Variants in FANCC observed in about 807,000 individuals in gnomAD.
FANCC encodes the protein FA complementation group C.
FANCC carries 55 observed loss-of-function variants against 71.3 expected under a neutral mutation model. The ratio of observed to expected loss-of-function variants is 0.77; its 90% confidence interval spans 0.62 to 0.97. The LOEUF is 0.97. FANCC is among the 50% of genes least tolerant of loss of function. FANCC has a pLI of 0.00. For synonymous variants in FANCC, 275 were observed against 244.9 expected (o/e 1.12, Z -1.15); for missense variants, 678 against 670.9 (o/e 1.01, Z -0.12).
At chr9:95,247,321 G>T (rs1831047530) in intron 3 of FANCC, 111 bp downstream of exon 3, 6 of 783,290 alleles carry the variant, frequency 7.7e-6, no homozygotes, top group Non-Finnish European at 1.3e-5. Context: ...CATTTGATAA[G>T]TTGTTCCATT....
intron 1 of FANCC, among the ~76,000 whole-genome samples, chr9:95,301,466 C>T (rs962691865): frequency 2.6e-5 from 4 of 151,704 alleles, no homozygotes; most frequent in East Asian, 1.9e-4. Context: ...CTTGTTCTGT[C>T]GCCCAGGCTG....
intron 6 of FANCC, among the ~76,000 whole-genome samples, chr9:95,170,569 T>C (rs1183116341): frequency 1.3e-5 from 2 of 152,106 alleles, no homozygotes; most frequent in Non-Finnish European, 2.9e-5. Context: ...TTGTTTAGTC[T>C]AGATTTTGGA....
rs756643939 is a variant in FANCC at position 95,102,371 on chromosome 9, C to T, written c.1534-521G>A. ...CTAAGGTTTTAACACCTGATTCTTG[C>T]GGGAGAGCAGGAGACACAGCCTCAA... On this transcript the variant is annotated intron_variant, in intron 14 of 14. Coordinates refer to ENST00000289081, the MANE Select transcript of FANCC (RefSeq NM_000136.3). 2.0e-5 allele frequency among the ~76,000 whole-genome samples: 3 copies of T among 152,288 alleles called. 1 individual carries two copies. Among genetic ancestry groups the T allele is most frequent in the Non-Finnish European group, 4.4e-5 (3 of 68,032 alleles).
intron 1 of FANCC, among the ~76,000 whole-genome samples, chr9:95,313,754 T>A (rs1776293521): frequency 6.6e-6 from 1 of 152,200 alleles, no homozygotes; most frequent in South Asian, 2.1e-4. Flanking sequence ...TAAAAAGGAT[T>A]ATATAACATG....
intron 4 of FANCC, among the ~76,000 whole-genome samples, chr9:95,240,416 A>G (rs1830568847): frequency 6.6e-6 from 1 of 152,224 alleles, no homozygotes; most frequent in African/African-American, 2.4e-5. Flanking sequence ...ACCACTCAAC[A>G]TTAGGTCTTC....
chr9:95,289,640 A>G (rs540925721), intron 1 of FANCC, among the ~76,000 whole-genome samples: 10 of 152,270 alleles, frequency 6.6e-5, no homozygotes, highest in South Asian at 4.1e-4. Flanking sequence ...GTTTTTAACC[A>G]TAACTGTATG....
intron 4 of FANCC, among the ~76,000 whole-genome samples, chr9:95,232,234 T>C (rs933342653): frequency 2.6e-5 from 4 of 152,142 alleles, no homozygotes; most frequent in Non-Finnish European, 5.9e-5. Context: ...GCTAAACCAT[T>C]TGTGAGAAAC....
At chr9:95,101,915 G>A in intron 14 of FANCC, 65 bp from the exon 15 acceptor site, 2 of 1,594,596 alleles carry the variant, frequency 1.3e-6, no homozygotes, top group South Asian at 1.1e-5. Context: ...CCTTTGTCCA[G>A]GGACGGACCA....
chr9:95,300,011 G>A (rs149693753), intron 1 of FANCC, among the ~76,000 whole-genome samples: 52 of 152,216 alleles, frequency 3.4e-4, no homozygotes, highest in African/African-American at 1.2e-3. Context: ...CCAGAAGTAG[G>A]GACTTTATCA....
chr9:95,103,265 G>A (rs2071197825), intron 14 of FANCC, among the ~76,000 whole-genome samples: 1 of 152,064 alleles, frequency 6.6e-6, no homozygotes, highest in Non-Finnish European at 1.5e-5. Context: ...ACTCCTGGGT[G>A]GGCCCCTTCC....
At chr9:95,292,533 G>T (rs1389522404) in intron 1 of FANCC, 6 of 1,489,368 alleles carry the variant, frequency 4.0e-6, no homozygotes, top group Non-Finnish European at 5.4e-6. Flanking sequence ...GCTGGCGGGG[G>T]AGCTGATCCA....
At chr9:95,290,667 T>C (rs1447241376) in intron 1 of FANCC, among the ~76,000 whole-genome samples, 1 of 152,034 alleles carries the variant, frequency 6.6e-6, no homozygotes, top group African/African-American at 2.4e-5. Flanking sequence ...ACAGTAAAAC[T>C]GCAGAAACTA....
intron 6 of FANCC, among the ~76,000 whole-genome samples, chr9:95,168,245 C>T (rs896877864): frequency 2.6e-5 from 4 of 152,166 alleles, no homozygotes; most frequent in Non-Finnish European, 5.9e-5. Context: ...CTCTAGTAGG[C>T]CCCTGAGAAG....
intron 4 of FANCC, among the ~76,000 whole-genome samples, chr9:95,175,885 A>C (rs1235064814): frequency 6.6e-6 from 1 of 152,204 alleles, no homozygotes; most frequent in Non-Finnish European, 1.5e-5. Flanking sequence ...ACCCAGGCAG[A>C]GAAGGGAGGA....
intron 4 of FANCC, among the ~76,000 whole-genome samples, chr9:95,183,309 C>A (rs1024547663): frequency 6.6e-6 from 1 of 152,216 alleles, no homozygotes; most frequent in African/African-American, 2.4e-5. Context: ...TAACGGTGAG[C>A]CTGCTCTCCT....
chr9:95,162,920 T>C lies in FANCC; in HGVS notation c.521+8159A>G, dbSNP rs960752484. On this transcript the variant is annotated intron_variant, in intron 6 of 14. Transcript: ENST00000289081. Reference sequence around the variant, plus strand: ...CCATTACATAGGCTGCTTTTTAATCTGTTGATTGCTTCCTTTGTTGCACAG... The same window carrying C: ...CCATTACATAGGCTGCTTTTTAATCCGTTGATTGCTTCCTTTGTTGCACAG... Among the ~76,000 whole-genome samples the C allele has an allele frequency of 1.6e-4, 24 of 152,346 alleles. 1 individual carries two copies. Among genetic ancestry groups the C allele is most frequent in the African/African-American group, 5.8e-4 (24 of 41,582 alleles).
chr9:95,224,859 TG>T (rs1829516260), intron 4 of FANCC, among the ~76,000 whole-genome samples: 1 of 152,236 alleles, frequency 6.6e-6, no homozygotes, highest in South Asian at 2.1e-4. Flanking sequence ...AAAAGCCTCC[TG>T]ATTAGCCAGA....
chr9:95,230,332 T>C (rs1829925925), intron 4 of FANCC, among the ~76,000 whole-genome samples: 1 of 152,170 alleles, frequency 6.6e-6, no homozygotes. Flanking sequence ...CAAGGTTCCT[T>C]TCAGGGGTGA....
intron 8 of FANCC, among the ~76,000 whole-genome samples, chr9:95,133,927 G>A (rs997050467): frequency 2.0e-5 from 3 of 152,212 alleles, no homozygotes; most frequent in African/African-American, 7.2e-5. Context: ...AAAATAAGGT[G>A]CATTCCTATT....
Sources: gnomAD v4.1 joint callset for allele counts (sites outside exome capture counted in the v4.1 genomes callset) on GRCh38, gnomAD v4.1.1 for gene constraint, MANE v1.5 for transcripts, NCBI Gene and HGNC (gene_info 2026-07-23, HGNC 2026-07-21) for gene names.